Variants in GPC3 observed in about 807,000 individuals in gnomAD.
GPC3 encodes glypican 3.
Under a neutral mutation model 34.4 loss-of-function variants are expected in GPC3, and 3 were observed. The ratio of observed to expected loss-of-function variants is 0.09; its 90% CI spans 0.04 to 0.23. GPC3 has a LOEUF of 0.23. GPC3 is among the 10% of genes least tolerant of loss of function. The probability of loss-of-function intolerance (pLI) is 1.00; values close to 1 mark genes in which losing one functional copy is unlikely to be tolerated. For missense variants in GPC3, 351 were observed against 445.6 expected, an observed-to-expected ratio of 0.79 and a Z score of 1.91; for synonymous variants, 177 against 174.0, an observed-to-expected ratio of 1.02 and a Z score of -0.13.
At chrX:133,791,950 G>A (rs1317772503) in intron 2 of GPC3, among the ~76,000 whole-genome samples, 1 of 102,366 alleles carries the variant, frequency 9.8e-6, no homozygotes, top group East Asian at 3.1e-4. Flanking sequence ...GCACAATCTC[G>A]GGCCACTGCA....
At chrX:133,804,255 C>T (rs909618698) in intron 2 of GPC3, among the ~76,000 whole-genome samples, 5 of 111,585 alleles carry the variant, frequency 4.5e-5, no homozygotes, top group African/African-American at 1.6e-4. Context: ...GATAGATGAG[C>T]CAATGCGCTA....
chrX:133,975,247 CA>C (rs2076510106), intron 1 of GPC3, among the ~76,000 whole-genome samples: 1 of 112,204 alleles, frequency 8.9e-6, no homozygotes, highest in Non-Finnish European at 1.9e-5. Flanking sequence ...AAAATGTTTT[CA>C]AGGCTCCTCA....
intron 2 of GPC3, among the ~76,000 whole-genome samples, chrX:133,894,834 T>C (rs1410953534): frequency 8.9e-6 from 1 of 111,809 alleles, no homozygotes. Context: ...AGCAAGACTC[T>C]GCCTCAAAAT....
At chrX:133,645,747 T>G (rs1219719471) in intron 6 of GPC3, among the ~76,000 whole-genome samples, 1 of 111,335 alleles carries the variant, frequency 9.0e-6, no homozygotes, top group Non-Finnish European at 1.9e-5. Flanking sequence ...GGTCATTTCT[T>G]CTATTACTTT....
At chrX:133,560,942 T>A (rs571951337) in intron 7 of GPC3, among the ~76,000 whole-genome samples, 1 of 110,917 alleles carries the variant, frequency 9.0e-6, no homozygotes, top group African/African-American at 3.3e-5. Flanking sequence ...GGTAAGGGAG[T>A]GACATATCCT....
At position 133,667,425 on chromosome X, in the gene GPC3, T is replaced by C. The variant is rs1341940100; in HGVS notation, c.1293-5575A>G. ...TAAGAGTTATGTTGGCAATCACCAA[T>C]GTCCTTCCTTAAAGGTGCTTTCTTA... On this transcript the variant is annotated intron_variant, in intron 5 of 7. Transcript: ENST00000370818. 2.7e-4 allele frequency among the ~76,000 whole-genome samples: 30 copies of C among 111,903 alleles called. No homozygotes were observed. The Admixed American group carries it at 2.9e-3, about 11-fold the overall frequency.
At chrX:133,627,269 A>G (rs113835690) in intron 6 of GPC3, among the ~76,000 whole-genome samples, 1 of 109,825 alleles carries the variant, frequency 9.1e-6, no homozygotes, top group Non-Finnish European at 1.9e-5. Flanking sequence ...CATATGTAAC[A>G]AACCTGCACG....
intron 2 of GPC3, among the ~76,000 whole-genome samples, chrX:133,888,732 C>T (rs993440833): frequency 8.9e-6 from 1 of 112,326 alleles, no homozygotes; most frequent in Non-Finnish European, 1.9e-5. Context: ...AGACAGAATT[C>T]TTAGCTTCAA....
chrX:133,579,941 G>A (rs750335910), intron 7 of GPC3, among the ~76,000 whole-genome samples: 2 of 112,825 alleles, frequency 1.8e-5, no homozygotes, highest in African/African-American at 3.2e-5. Flanking sequence ...CAAGGCATGG[G>A]CACTGGGCTA....
chrX:133,556,338 T>A (rs2124283518), intron 7 of GPC3, among the ~76,000 whole-genome samples: 1 of 111,232 alleles, frequency 9.0e-6, no homozygotes, highest in African/African-American at 3.3e-5. Flanking sequence ...ATTACTGGAT[T>A]TTCCATGAAT....
At chrX:133,549,106 C>T (rs1487018332) in intron 7 of GPC3, among the ~76,000 whole-genome samples, 1 of 111,474 alleles carries the variant, frequency 9.0e-6, no homozygotes, top group Non-Finnish European at 1.9e-5. Flanking sequence ...GCTCCATCCT[C>T]CTCTCTTCCC....
chrX:133,739,402 T>C (rs1033480176), intron 3 of GPC3, among the ~76,000 whole-genome samples: 4 of 112,425 alleles, frequency 3.6e-5, no homozygotes, highest in Non-Finnish European at 5.6e-5. Flanking sequence ...TCAGATTTTA[T>C]AGTGCTGCCA....
intron 2 of GPC3, among the ~76,000 whole-genome samples, chrX:133,856,068 T>A (rs2075899569): frequency 8.9e-6 from 1 of 112,242 alleles, no homozygotes; most frequent in African/African-American, 3.2e-5. Context: ...TGATAATATT[T>A]CAATGAACAT....
chrX:133,978,162 G>A (rs1362198849), intron 1 of GPC3, among the ~76,000 whole-genome samples: 1 of 112,011 alleles, frequency 8.9e-6, no homozygotes, highest in South Asian at 3.8e-4. Context: ...GGAACTCTTG[G>A]CCTCAAGCAA....
intron 6 of GPC3, among the ~76,000 whole-genome samples, chrX:133,600,176 A>T (rs2124335152): frequency 8.9e-6 from 1 of 112,142 alleles, no homozygotes; most frequent in East Asian, 2.8e-4. Context: ...GGCACTCAAT[A>T]TATGTGCTAT....
intron 6 of GPC3, among the ~76,000 whole-genome samples, chrX:133,653,684 C>A (rs748205120): frequency 1.6e-4 from 18 of 112,169 alleles, no homozygotes; most frequent in Non-Finnish European, 2.3e-4. Flanking sequence ...CTAAGGTATA[C>A]TTGTTAGGCC....
chrX:133,853,474 G>T (rs780801164), intron 2 of GPC3, among the ~76,000 whole-genome samples: 14 of 111,819 alleles, frequency 1.3e-4, no homozygotes, highest in Non-Finnish European at 2.4e-4. Context: ...GAAATTATTG[G>T]GAGTTACTAT....
At chrX:133,633,973 C>T (rs2070392313) in intron 6 of GPC3, among the ~76,000 whole-genome samples, 1 of 112,014 alleles carries the variant, frequency 8.9e-6, no homozygotes, top group Non-Finnish European at 1.9e-5. Flanking sequence ...CATATTCTTT[C>T]CACTTTTTTC....
rs751371369 is a variant in GPC3, at chrX:133,857,980, T to A, written c.337+95070A>T. On this transcript the variant is annotated intron_variant, in intron 2 of 7. Coordinates refer to ENST00000370818, the MANE Select transcript of GPC3 (RefSeq NM_004484.4). ...GGTTAGCAGAGCTGGGGAGATATTT[T>A]AATCTGCCAGACAATGTTCTGAGAT... Among the ~76,000 whole-genome samples the A allele has an allele frequency of 8.3e-4, 93 of 111,976 alleles. 2 individuals carry two copies. Among genetic ancestry groups the A allele is most frequent in the African/African-American group, 3.0e-3 (93 of 30,822 alleles).
Sources: allele counts gnomAD v4.1 joint callset (sites outside exome capture counted in the v4.1 genomes callset), GRCh38; gene constraint gnomAD v4.1.1; transcripts MANE v1.5; gene names NCBI Gene and HGNC (gene_info 2026-07-23, HGNC 2026-07-21).